The following EYS variants were observed in gnomAD, a reference collection of about 807,000 sequenced individuals.
EYS encodes the protein protein eyes shut homolog.
Under a neutral mutation model 282.1 loss-of-function variants are expected in EYS, and 250 were observed. The observed-to-expected ratio is 0.89, with a 90% CI of 0.80 to 0.98. The LOEUF (loss-of-function observed/expected upper bound fraction) is 0.98. Among genes scored for constraint, EYS ranks in the 50% least tolerant of loss-of-function variants. The pLI is 0.00. For synonymous variants in EYS, 1,355 were observed against 1,282.9 expected, an observed-to-expected ratio of 1.06 and a Z score of -1.20; for missense variants, 4,016 against 3,709.0, an observed-to-expected ratio of 1.08 and a Z score of -2.15.
rs116031836 is a variant in EYS, at chr6:65,516,789, C to A, written c.-332-20796G>T. 7.7e-3 allele frequency among the ~76,000 whole-genome samples: 1,163 copies of A among 152,008 alleles called. 18 individuals are homozygous for A. Among genetic ancestry groups the A allele is most frequent in the African/African-American group, 0.025 (1,042 of 41,488 alleles). The stretch of plus-strand genomic sequence containing the variant: ...TCTCCAAAATTCTCTAAAAATTATC[C>A]TCAAAAAATTTTTCTCAAAGAGAAT... On this transcript the variant is annotated intron_variant, in intron 2 of 42. Transcript: ENST00000503581.
intron 1 of EYS, among the ~76,000 whole-genome samples, chr6:65,652,650 T>TA (rs1470984675): frequency 1.3e-5 from 2 of 151,750 alleles, no homozygotes; most frequent in African/African-American, 4.8e-5. Context: ...TAGAGGTCAC[T>TA]AAAAAAAGAG....
At chr6:64,920,788 G>A (rs1768321073) in intron 15 of EYS, among the ~76,000 whole-genome samples, 2 of 152,036 alleles carry the variant, frequency 1.3e-5, no homozygotes, top group Non-Finnish European at 2.9e-5. Flanking sequence ...TACAATTTGA[G>A]TAGGAGGCAG....
chr6:64,709,202 G>A (rs1228823178), intron 22 of EYS, among the ~76,000 whole-genome samples: 1 of 152,116 alleles, frequency 6.6e-6, no homozygotes, highest in Non-Finnish European at 1.5e-5. Context: ...AAATAAGCAT[G>A]TATATTTTTA....
chr6:64,288,648 C>A (rs1052688286), intron 30 of EYS, among the ~76,000 whole-genome samples: 1 of 152,046 alleles, frequency 6.6e-6, no homozygotes, highest in South Asian at 2.1e-4. Context: ...CTTTATTTTC[C>A]TTTTCTCTCT....
rs114190651 is a variant in EYS at position 64,761,842 on chromosome 6, C to T, written c.3443+51536G>A. Among the ~76,000 whole-genome samples the T allele has an allele frequency of 2.4e-3, 366 of 152,264 alleles. 2 individuals are homozygous for T. The highest frequency in any genetic ancestry group is 8.2e-3 in the African/African-American group (341 of 41,566). On this transcript the variant is annotated intron_variant, in intron 22 of 42. Transcript: ENST00000503581. ...TAATATATAGATGTATAAAATATCACTTTCCCCATGTATAATATGATTTAT... is the reference window on the plus strand; with the variant it reads ...TAATATATAGATGTATAAAATATCATTTTCCCCATGTATAATATGATTTAT...
intron 24 of EYS, among the ~76,000 whole-genome samples, chr6:64,612,391 G>A (rs1767141961): frequency 6.6e-6 from 1 of 152,058 alleles, no homozygotes; most frequent in African/African-American, 2.4e-5. Flanking sequence ...AGGAAGAAAT[G>A]AGCAGTTCTG....
At chr6:65,089,705 C>G (rs926755650) in intron 12 of EYS, among the ~76,000 whole-genome samples, 5 of 151,838 alleles carry the variant, frequency 3.3e-5, no homozygotes, top group Admixed American at 1.3e-4. Flanking sequence ...AATTCCAGCA[C>G]TTCTTTGGGA....
At chr6:64,808,008 C>CCCTCCCTCCTTCCTT (rs779104405) in intron 22 of EYS, among the ~76,000 whole-genome samples, 78 of 149,836 alleles carry the variant, frequency 5.2e-4, no homozygotes, top group African/African-American at 1.8e-3. Context: ...CTTCCTTCCT[C>CCCTCCCTCCTTCCTT]CCTCCCTCCT....
chr6:65,339,635 G>T (rs9363346), intron 10 of EYS, among the ~76,000 whole-genome samples: 28,181 of 150,862 alleles, frequency 0.19, 3,518 homozygotes, highest in East Asian at 0.61. Context: ...ATCCCTGCAG[G>T]TAAGAGGGAA....
chr6:65,184,678 A>G (rs1360092242), intron 12 of EYS, among the ~76,000 whole-genome samples: 1 of 151,786 alleles, frequency 6.6e-6, no homozygotes, highest in Non-Finnish European at 1.5e-5. Context: ...TATTTTTAAA[A>G]CTGAATTTAA....
At chr6:64,548,995 TTACTC>T (rs1177600483) in intron 26 of EYS, among the ~76,000 whole-genome samples, 1 of 152,114 alleles carries the variant, frequency 6.6e-6, no homozygotes, top group Non-Finnish European at 1.5e-5. Context: ...TATATGATCA[TTACTC>T]TACAAGCTAT....
chr6:64,987,555 T>C (rs1256067070), intron 14 of EYS, among the ~76,000 whole-genome samples: 1 of 151,506 alleles, frequency 6.6e-6, no homozygotes, highest in Non-Finnish European at 1.5e-5. Flanking sequence ...GTGAGTCCTG[T>C]GGGCAGCTGA....
intron 22 of EYS, among the ~76,000 whole-genome samples, chr6:64,793,800 G>GTT (rs147244416): frequency 1.0e-4 from 15 of 150,506 alleles, no homozygotes; most frequent in Non-Finnish European, 2.1e-4. Flanking sequence ...TTTTCCATCT[G>GTT]TTTTTTTTTG....
chr6:64,237,423 C>T (rs1223902422), intron 30 of EYS, among the ~76,000 whole-genome samples: 3 of 152,296 alleles, frequency 2.0e-5, no homozygotes, highest in East Asian at 1.9e-4. Context: ...AACACATACA[C>T]ATGTATTTAA....
rs1017536986 is a variant in EYS, at chr6:64,062,769, C to T, written c.6725+3569G>A. ...GTTTTCTATGTATTAACAATTTCTA[C>T]TCAACTGGTAATTCCAATTAATTAA... On this transcript the variant is annotated intron_variant, in intron 33 of 42. Coordinates refer to ENST00000503581, the MANE Select transcript of EYS (RefSeq NM_001142800.2). 3.3e-5 allele frequency among the ~76,000 whole-genome samples: 5 copies of T among 151,220 alleles called. No homozygotes were observed. The East Asian group carries it at 9.7e-4, about 29-fold the overall frequency.
chr6:64,605,142 CT>C (rs1341712318), intron 24 of EYS, among the ~76,000 whole-genome samples: 1 of 151,866 alleles, frequency 6.6e-6, no homozygotes, highest in African/African-American at 2.4e-5. Flanking sequence ...TGGTGAGAAA[CT>C]TACTTAGGTT....
intron 26 of EYS, among the ~76,000 whole-genome samples, chr6:64,502,410 A>T (rs1323315235): frequency 6.6e-6 from 1 of 152,022 alleles, no homozygotes; most frequent in East Asian, 1.9e-4. Flanking sequence ...TTTAGTAGAG[A>T]CGGGGTTTCA....
intron 14 of EYS, among the ~76,000 whole-genome samples, chr6:64,970,550 T>C (rs572923204): frequency 6.6e-6 from 1 of 152,272 alleles, no homozygotes; most frequent in East Asian, 1.9e-4. Context: ...ATCCCAAGTG[T>C]TATGAGTAGC....
chr6:65,209,064 G>T (rs1196529591), intron 12 of EYS, among the ~76,000 whole-genome samples: 1 of 151,814 alleles, frequency 6.6e-6, no homozygotes, highest in Non-Finnish European at 1.5e-5. Context: ...TGTTATTCCA[G>T]TGCCTTACTG....
Sources: gnomAD v4.1 joint callset for allele counts (sites outside exome capture counted in the v4.1 genomes callset) on GRCh38, gnomAD v4.1.1 for gene constraint, MANE v1.5 for transcripts, NCBI Gene and HGNC (gene_info 2026-07-23, HGNC 2026-07-21) for gene names.